Variants in LIMA1 observed in about 807,000 individuals in gnomAD.
The protein encoded by LIMA1 is LIM domain and actin-binding protein 1.
In LIMA1, 52 loss-of-function variants were observed where a neutral mutation model predicts 62.6. The observed-to-expected ratio is 0.83, with a 90% CI of 0.67 to 1.05. LIMA1 has a LOEUF of 1.05. Among genes scored for constraint, LIMA1 ranks in the 50% least tolerant of loss-of-function variants. The pLI is 0.00. For synonymous variants in LIMA1, 302 were observed against 317.8 expected (o/e 0.95, Z 0.53); for missense variants, 780 against 902.2 (o/e 0.86, Z 1.74).
At chr12:50,242,189 G>C (rs1485746733) in intron 2 of LIMA1, among the ~76,000 whole-genome samples, 5 of 151,370 alleles carry the variant, frequency 3.3e-5, no homozygotes, top group Admixed American at 6.6e-5. Flanking sequence ...AGCCAAAAAG[G>C]GAAAACAGAA....
intron 4 of LIMA1, 81 bp downstream of exon 4, chr12:50,221,940 T>G: frequency 8.0e-7 from 1 of 1,246,114 alleles, no homozygotes; most frequent in Non-Finnish European, 1.1e-6. Context: ...TCGCCTCTAC[T>G]CAAAATAGCT....
Position 50,272,500 on chromosome 12 carries a change from G to A in LIMA1, c.-24+10920C>T, listed in dbSNP as rs553104576. Among the ~76,000 whole-genome samples the A allele has an allele frequency of 4.0e-5, 6 of 151,266 alleles. 2 individuals carry two copies. In the South Asian group the frequency reaches 1.3e-3, roughly 32 times the overall value. Reference sequence around the variant, plus strand: ...CCAGCTACTCGGGAGGCTGAGGCAGGAGAATTGCTTGAACCCGGGAGGTGG... The same window carrying A: ...CCAGCTACTCGGGAGGCTGAGGCAGAAGAATTGCTTGAACCCGGGAGGTGG... On this transcript the variant is annotated intron_variant, in intron 1 of 10. Transcript: ENST00000341247.
At chr12:50,261,836 C>G (rs144996662) in intron 1 of LIMA1, among the ~76,000 whole-genome samples, 2 of 152,134 alleles carry the variant, frequency 1.3e-5, no homozygotes, top group African/African-American at 4.8e-5. Flanking sequence ...CTGGCTCACA[C>G]TGTAATTTTT....
intron 6 of LIMA1, among the ~76,000 whole-genome samples, chr12:50,203,203 C>T (rs372733339): frequency 2.0e-5 from 3 of 149,958 alleles, no homozygotes; most frequent in Admixed American, 6.7e-5. Flanking sequence ...TTAGTAGAGA[C>T]GGGATTTCAC....
intron 6 of LIMA1, among the ~76,000 whole-genome samples, chr12:50,203,101 C>T (rs183297287): frequency 6.6e-6 from 1 of 150,582 alleles, no homozygotes; most frequent in African/African-American, 2.4e-5. Flanking sequence ...CCTCCATCTC[C>T]TAGGTTCAAG....
chr12:50,186,540 G>T (rs1033220097), intron 9 of LIMA1: 1 of 152,606 alleles, frequency 6.6e-6, no homozygotes, highest in Non-Finnish European at 1.5e-5. Flanking sequence ...TCATAAAGGG[G>T]TAGTGCCCAG....
At chr12:50,280,347 A>G (rs765454504) in intron 1 of LIMA1, among the ~76,000 whole-genome samples, 63 of 151,816 alleles carry the variant, frequency 4.1e-4, no homozygotes, top group Non-Finnish European at 7.5e-4. Context: ...TTTAGTAGAG[A>G]CTGGGTTTCA....
Position 50,177,282 on chromosome 12 carries a change from C to G in LIMA1, c.2062G>C (p.Glu688Gln). 1 of 1,614,182 alleles carries G rather than the reference C, an allele frequency of 6.2e-7. No individual in the cohort carries two copies. The highest frequency in any genetic ancestry group is 8.5e-7 in the Non-Finnish European group (1 of 1,180,022). ...TGTTTGAGGAAGCTGTTATCATCTT[C>G]ATCGGAGTCTGCACCATTTTCTACA... ...NLVENGADSD[E>Q]DDNSFLKQQS... Residue 688 changes from glutamate (E) to glutamine (Q), a missense_variant, in exon 11 of 11, where the codon GAA becomes CAA. Transcript: ENST00000341247.
intron 2 of LIMA1, among the ~76,000 whole-genome samples, chr12:50,245,107 G>A (rs997213532): frequency 2.0e-5 from 3 of 152,090 alleles, no homozygotes; most frequent in African/African-American, 4.8e-5. Flanking sequence ...TGCAGAAACA[G>A]GGAAGATCAA....
intron 4 of LIMA1, among the ~76,000 whole-genome samples, chr12:50,221,383 C>G (rs549932983): frequency 1.3e-5 from 2 of 152,264 alleles, no homozygotes; most frequent in African/African-American, 2.4e-5. Context: ...CCTCTGGGGA[C>G]GAGGTCTGCA....
intron 2 of LIMA1, among the ~76,000 whole-genome samples, chr12:50,245,039 A>C (rs1281580821): frequency 6.6e-6 from 1 of 152,208 alleles, no homozygotes; most frequent in Non-Finnish European, 1.5e-5. Context: ...ATTTCAGAGA[A>C]GGATTCTGAG....
chr12:50,233,561 G>A (rs1407942164), intron 2 of LIMA1, among the ~76,000 whole-genome samples: 1 of 152,192 alleles, frequency 6.6e-6, no homozygotes, highest in Admixed American at 6.5e-5. Context: ...TTTCGCTCTT[G>A]TTGCCCAGGC....
chr12:50,186,430 A>G lies in LIMA1; in HGVS notation c.1141-4393T>C, dbSNP rs1592496519. ...CATGGCAGGAGTGATGCCATCTTGG[A>G]GTGAAACCACCATGCTAACTGGTGG... On this transcript the variant is annotated intron_variant, in intron 9 of 10. Transcript: ENST00000341247. The G allele has an allele frequency of 2.0e-5, 3 of 152,614 alleles. No individual in the cohort carries two copies. The East Asian group carries it at 5.8e-4, about 29-fold the overall frequency. The allele number at this position is 152,614 out of a possible 1,614,324, so 9.5% of individuals were successfully genotyped here.
intron 9 of LIMA1, chr12:50,186,726 C>T (rs1565829069): frequency 6.6e-6 from 1 of 152,210 alleles, no homozygotes; most frequent in African/African-American, 2.4e-5. Flanking sequence ...GACATCACTT[C>T]TGTTCATAAG....
At chr12:50,187,585 T>C (rs1314134843) in intron 9 of LIMA1, 1 of 152,158 alleles carries the variant, frequency 6.6e-6, no homozygotes, top group South Asian at 2.1e-4. Flanking sequence ...GCAGTAATAG[T>C]GAGTGAGTGA....
intron 4 of LIMA1, among the ~76,000 whole-genome samples, chr12:50,218,592 G>C (rs1046774884): frequency 6.6e-6 from 1 of 152,122 alleles, no homozygotes; most frequent in Non-Finnish European, 1.5e-5. Context: ...AAGGTGCTCT[G>C]TCATTGACAT....
chr12:50,240,372 G>A (rs1280390854), intron 2 of LIMA1, among the ~76,000 whole-genome samples: 1 of 152,168 alleles, frequency 6.6e-6, no homozygotes, highest in African/African-American at 2.4e-5. Flanking sequence ...TTCAATTCGT[G>A]TTTTTAAAGA....
At chr12:50,209,586 A>T (rs1941217374) in intron 4 of LIMA1, among the ~76,000 whole-genome samples, 1 of 126,054 alleles carries the variant, frequency 7.9e-6, no homozygotes, top group Non-Finnish European at 1.7e-5. Flanking sequence ...AAAAAAAAAA[A>T]AGAAAAAAGA....
In LIMA1 at chr12:50,222,264, T is replaced by A; in HGVS notation, c.387A>T (p.Arg129Ser). 5 of 1,614,066 alleles carry A rather than the reference T, an allele frequency of 3.1e-6. No homozygotes were observed. Among genetic ancestry groups the A allele is most frequent in the Non-Finnish European group, 4.2e-6 (5 of 1,180,016 alleles). ...CGAGGGCTTCAGGAGGTGACCTGAG[T>A]CTAGATCTGGGGTGGATTTGTTCTT... is the stretch of plus-strand genomic sequence containing the variant. Reference protein sequence around the residue: ...DQEEQIHPRSRLRSPPEALVQ... With the variant: ...DQEEQIHPRSSLRSPPEALVQ... The change falls in exon 4 of 11, where the codon AGA (arginine) becomes AGT (serine). Residue 129 changes from arginine (R) to serine (S), a missense_variant. Transcript: ENST00000341247.
Sources: allele counts gnomAD v4.1 joint callset (sites outside exome capture counted in the v4.1 genomes callset), GRCh38; gene constraint gnomAD v4.1.1; transcripts MANE v1.5; gene names NCBI Gene and HGNC (gene_info 2026-07-23, HGNC 2026-07-21).